EIF2B3: variants seen among roughly 807,000 people sequenced by gnomAD.
EIF2B3 encodes the protein translation initiation factor eIF2B subunit gamma.
EIF2B3 carries 20 observed loss-of-function variants against 54.1 expected under a neutral mutation model. The ratio of observed to expected loss-of-function variants is 0.37; its 90% CI spans 0.26 to 0.54. EIF2B3 has a LOEUF of 0.54. EIF2B3 is among the 20% of genes least tolerant of loss of function. The pLI is 0.86. For missense variants in EIF2B3, 448 were observed against 547.8 expected (o/e 0.82, Z 1.82); for synonymous variants, 153 against 188.1 (o/e 0.81, Z 1.52).
chr1:44,971,833 C>T (rs1480480214), intron 3 of EIF2B3, among the ~76,000 whole-genome samples: 1 of 151,470 alleles, frequency 6.6e-6, no homozygotes, highest in Non-Finnish European at 1.5e-5. Context: ...GAGTTTGAGA[C>T]CAACCTGGCC....
chr1:44,875,477 G>A (rs1173316395), intron 9 of EIF2B3, 141 bp downstream of exon 9: 6 of 798,008 alleles, frequency 7.5e-6, no homozygotes, highest in Non-Finnish European at 1.3e-5. Flanking sequence ...TGTTGAGTGA[G>A]ATTTTATTCT....
At chr1:44,853,301 AC>A (rs1361857943) in intron 11 of EIF2B3, among the ~76,000 whole-genome samples, 1 of 151,816 alleles carries the variant, frequency 6.6e-6, no homozygotes, top group East Asian at 1.9e-4. Flanking sequence ...GTTGGAGGAA[AC>A]CTGTAGAGGC....
At position 44,977,666 on chromosome 1, in the gene EIF2B3, C is replaced by T. The variant is rs573736498; in HGVS notation, c.294+649G>A. Among the ~76,000 whole-genome samples, 3 of 152,134 alleles carry T rather than the reference C, an allele frequency of 2.0e-5. No homozygotes were observed. In the South Asian group the frequency reaches 6.2e-4, roughly 32 times the overall value. On this transcript the variant is annotated intron_variant, in intron 3 of 11. Coordinates refer to ENST00000360403, the MANE Select transcript of EIF2B3 (RefSeq NM_020365.5). ...TTTTAGTAGAGACAGGGTCTTACCACGTTGACCAGGCTGGTCTCAAACTCC... is the reference window on the plus strand; with the variant it reads ...TTTTAGTAGAGACAGGGTCTTACCATGTTGACCAGGCTGGTCTCAAACTCC...
chr1:44,890,138 G>A (rs542461522), intron 6 of EIF2B3, among the ~76,000 whole-genome samples: 1 of 152,156 alleles, frequency 6.6e-6, no homozygotes, highest in Non-Finnish European at 1.5e-5. Flanking sequence ...TGGGAGATGG[G>A]CTAATTCCCT....
rs869139321 is a variant in EIF2B3 at position 44,917,755 on chromosome 1, C to CTTTTTTTT, written c.566+8865_566+8872dup. ...TATTTATTTTGCCACCAATAACACT[C>CTTTTTTTT]TTTTTTTTTTTTTTTTTTTTTTTTT... On this transcript the variant is annotated intron_variant, in intron 5 of 11. Transcript: ENST00000360403. Among the ~76,000 whole-genome samples the CTTTTTTTT allele has an allele frequency of 2.9e-4, 13 of 44,240 alleles. 4 individuals carry two copies. Among genetic ancestry groups the CTTTTTTTT allele is most frequent in the Non-Finnish European group, 4.4e-4 (9 of 20,676 alleles). 29.0% of individuals were successfully genotyped at this position (44,240 alleles called of 152,430 possible). A position where few individuals can be genotyped will look rare whatever the true frequency, so the allele number is the denominator to read the frequency against.
intron 6 of EIF2B3, among the ~76,000 whole-genome samples, chr1:44,895,535 T>C (rs1655942137): frequency 6.6e-6 from 1 of 151,894 alleles, no homozygotes; most frequent in African/African-American, 2.4e-5. Flanking sequence ...TCTCTATATA[T>C]ATATATGTAC....
At chr1:44,949,608 A>G (rs1219766742) in intron 3 of EIF2B3, among the ~76,000 whole-genome samples, 4 of 152,238 alleles carry the variant, frequency 2.6e-5, no homozygotes, top group Non-Finnish European at 5.9e-5. Context: ...GAGTTAGGAC[A>G]GGGGCCACAG....
chr1:44,946,273 G>A (rs1289470896), intron 3 of EIF2B3, among the ~76,000 whole-genome samples: 2 of 152,084 alleles, frequency 1.3e-5, no homozygotes, highest in African/African-American at 2.4e-5. Flanking sequence ...TCCTGCCTCT[G>A]TTCCCAGAGA....
chr1:44,957,657 A>C (rs1377185094), intron 3 of EIF2B3, among the ~76,000 whole-genome samples: 1 of 152,144 alleles, frequency 6.6e-6, no homozygotes, highest in East Asian at 1.9e-4. Flanking sequence ...GCTACTTTGG[A>C]GGCTGAGGCA....
chr1:44,965,275 A>G (rs72676587), intron 3 of EIF2B3, among the ~76,000 whole-genome samples: 4,677 of 152,322 alleles, frequency 0.031, 123 homozygotes, highest in Non-Finnish European at 0.04. Flanking sequence ...GAGTTTATAC[A>G]TATTAAGAAC....
chr1:44,862,037 A>T (rs1654623119), intron 10 of EIF2B3, among the ~76,000 whole-genome samples: 1 of 152,174 alleles, frequency 6.6e-6, no homozygotes. Flanking sequence ...GAATGGAAAG[A>T]TAGGACCTTA....
At chr1:44,857,622 T>C in intron 11 of EIF2B3, 82 bp downstream of exon 11, 1 of 1,332,642 alleles carries the variant, frequency 7.5e-7, no homozygotes, top group Non-Finnish European at 1.1e-6. Flanking sequence ...TGTGCTTGTT[T>C]CCCACATCCT....
chr1:44,938,506 T>C (rs1007359861), intron 4 of EIF2B3, among the ~76,000 whole-genome samples: 1 of 146,828 alleles, frequency 6.8e-6, no homozygotes, highest in Non-Finnish European at 1.5e-5. Flanking sequence ...CTCTCTGTTT[T>C]TTTTTGGGAC....
intron 5 of EIF2B3, among the ~76,000 whole-genome samples, chr1:44,914,910 C>T (rs867973870): frequency 5.9e-5 from 9 of 152,090 alleles, no homozygotes; most frequent in South Asian, 4.1e-4. Context: ...AGGATGGTCT[C>T]GAACTCCTGA....
At chr1:44,854,003 T>G (rs548921155) in intron 11 of EIF2B3, among the ~76,000 whole-genome samples, 3,863 of 151,180 alleles carry the variant, frequency 0.026, 77 homozygotes, top group Non-Finnish European at 0.035. Flanking sequence ...TGTTTTTTTT[T>G]TTTGTTTTTT....
At chr1:44,928,327 A>G (rs886260750) in intron 4 of EIF2B3, among the ~76,000 whole-genome samples, 1 of 151,760 alleles carries the variant, frequency 6.6e-6, no homozygotes, top group Non-Finnish European at 1.5e-5. Flanking sequence ...GGCGCCTGTA[A>G]TCCCAGGTAC....
At chr1:44,974,540 A>G (rs1194880804) in intron 3 of EIF2B3, among the ~76,000 whole-genome samples, 1 of 151,662 alleles carries the variant, frequency 6.6e-6, no homozygotes, top group Non-Finnish European at 1.5e-5. Flanking sequence ...AGTCCTAGTT[A>G]CTTAGTTACT....
intron 4 of EIF2B3, among the ~76,000 whole-genome samples, chr1:44,938,344 T>C (rs574658218): frequency 6.6e-6 from 1 of 150,902 alleles, no homozygotes; most frequent in South Asian, 2.1e-4. Context: ...AGTTTAAAAT[T>C]TCATATTAAG....
chr1:44,904,882 T>A (rs1158843025), intron 5 of EIF2B3, among the ~76,000 whole-genome samples: 1 of 152,186 alleles, frequency 6.6e-6, no homozygotes, highest in Non-Finnish European at 1.5e-5. Context: ...TCAGAGCTAA[T>A]TCACTACTCC....
Sources: gnomAD v4.1 joint callset for allele counts (sites outside exome capture counted in the v4.1 genomes callset) on GRCh38, gnomAD v4.1.1 for gene constraint, MANE v1.5 for transcripts, NCBI Gene and HGNC (gene_info 2026-07-23, HGNC 2026-07-21) for gene names.